Variants in CCDC69 observed in about 807,000 individuals in gnomAD.
The protein encoded by CCDC69 is coiled-coil domain-containing protein 69.
A neutral mutation model predicts 40.3 loss-of-function variants in CCDC69; 38 were observed. That is an observed-to-expected ratio of 0.94 (90% CI 0.73 to 1.24). CCDC69 has a LOEUF of 1.24. Among genes scored for constraint, CCDC69 ranks in the 50% most tolerant of loss-of-function variants. The pLI, the probability that CCDC69 is intolerant of heterozygous loss-of-function variation, is 0.00. For synonymous variants in CCDC69, 141 were observed against 138.9 expected, an observed-to-expected ratio of 1.02 and a Z score of -0.11; for missense variants, 389 against 357.9, an observed-to-expected ratio of 1.09 and a Z score of -0.70.
At chr5:151,206,791 C>T (rs1023877996) in intron 1 of CCDC69, among the ~76,000 whole-genome samples, 3 of 151,344 alleles carry the variant, frequency 2.0e-5, no homozygotes, top group Non-Finnish European at 4.4e-5. Flanking sequence ...CCACCATGCC[C>T]GGCTAATTTC....
chr5:151,187,518 G>T, intron 4 of CCDC69, 59 bp from the exon 5 acceptor site: 1 of 1,420,786 alleles, frequency 7.0e-7, no homozygotes, highest in Non-Finnish European at 9.9e-7. Context: ...CCTTCTGCAG[G>T]CCCCTTGGTG....
chr5:151,201,762 G>T, intron 2 of CCDC69, 74 bp from the exon 3 acceptor site: 1 of 954,966 alleles, frequency 1.0e-6, no homozygotes, highest in Non-Finnish European at 1.6e-6. Context: ...CTGGCAGAGA[G>T]AGTGTGGGAA....
chr5:151,187,465 G>A lies in CCDC69; in HGVS notation c.320-6C>T, dbSNP rs1369646213. 1.2e-6 allele frequency: 2 copies of A among 1,611,124 alleles called. No individual in the cohort carries two copies. Among genetic ancestry groups the A allele is most frequent in the Non-Finnish European group, 1.7e-6 (2 of 1,179,192 alleles). On this transcript the variant is annotated splice_region_variant and splice_polypyrimidine_tract_variant and intron_variant, in intron 4 of 8. Coordinates refer to ENST00000355417, the MANE Select transcript of CCDC69 (RefSeq NM_015621.3). The stretch of plus-strand genomic sequence containing the variant: ...TTCATATGAGGCCCGGAGGACTGTA[G>A]GGAAAGGAGAACTCCATAAGCTCAA...
chr5:151,215,621 T>C, intron 1 of CCDC69: 1 of 423,694 alleles, frequency 2.4e-6, no homozygotes, highest in Non-Finnish European at 4.9e-6. Flanking sequence ...CCTGGAGCCC[T>C]CCACACCATC....
At chr5:151,200,303 T>A (rs1340457205) in intron 3 of CCDC69, among the ~76,000 whole-genome samples, 2 of 152,142 alleles carry the variant, frequency 1.3e-5, no homozygotes, top group Non-Finnish European at 2.9e-5. Flanking sequence ...CAGGCTGGGC[T>A]AATTTTTGTA....
chr5:151,214,323 C>A (rs933462532), intron 1 of CCDC69, among the ~76,000 whole-genome samples: 1 of 152,086 alleles, frequency 6.6e-6, no homozygotes, highest in Non-Finnish European at 1.5e-5. Context: ...AGGAAGGAGG[C>A]GGGGAGTGTG....
chr5:151,190,810 C>CA (rs146441064), intron 4 of CCDC69, among the ~76,000 whole-genome samples: 55 of 145,826 alleles, frequency 3.8e-4, no homozygotes, highest in Admixed American at 4.1e-4. Flanking sequence ...TTCAAATACT[C>CA]AAAAAAAAAG....
At chr5:151,220,989 G>T (rs2114007202) in intron 1 of CCDC69, among the ~76,000 whole-genome samples, 2 of 152,190 alleles carry the variant, frequency 1.3e-5, no homozygotes, top group South Asian at 4.1e-4. Context: ...CAAGAAGAAG[G>T]GTTTAGGCAG....
chr5:151,208,302 T>C (rs10060351), intron 1 of CCDC69, among the ~76,000 whole-genome samples: 9,851 of 152,186 alleles, frequency 0.065, 305 homozygotes, highest in East Asian at 0.1. Context: ...GCTATGAAAA[T>C]GTTCGACAAA....
rs376393660 is a variant in CCDC69, at chr5:151,183,587, C to A, written c.741G>T (p.Thr247=). The change falls in exon 9 of 9, where the codon ACG becomes ACT. Residue 247 remains threonine, a synonymous_variant. Transcript: ENST00000355417. ...SRQLSEDLLL[T]REALEKEVQL... ...GCACCTCCTTCTCCAGGGCCTCACG[C>A]GTGAGAAGCAGGTCTTCTGACAGCT... 1.2e-6 allele frequency: 2 copies of A among 1,612,104 alleles called. No homozygotes were observed. The highest frequency in any genetic ancestry group is 1.7e-4 in the Middle Eastern group (1 of 6,000).
intron 4 of CCDC69, among the ~76,000 whole-genome samples, chr5:151,198,026 A>G (rs1304803885): frequency 6.6e-6 from 1 of 152,182 alleles, no homozygotes; most frequent in Non-Finnish European, 1.5e-5. Flanking sequence ...AAAGAAATGG[A>G]AGGAATCTAT....
chr5:151,223,851 A>C, intron 1 of CCDC69, 72 bp downstream of exon 1: 1 of 1,465,040 alleles, frequency 6.8e-7, no homozygotes, highest in South Asian at 1.2e-5. Flanking sequence ...CGGGGCGCCG[A>C]GTCCTCTGCG....
rs137952981 is a variant in CCDC69 at position 151,210,372 on chromosome 5, G to A, written c.49-4897C>T. ...TAGCCTGGCCAACCTGTGAAACCCC[G>A]TCTCTACTAAAAATACAAAAATTAG... On this transcript the variant is annotated intron_variant, in intron 1 of 8. Transcript: ENST00000355417. 4.7e-3 allele frequency among the ~76,000 whole-genome samples: 718 copies of A among 151,486 alleles called. 10 individuals carry two copies. The highest frequency in any genetic ancestry group is 0.017 in the African/African-American group (696 of 41,250).
rs61745455 is a variant in CCDC69 at position 151,187,449 on chromosome 5, G to A, written c.330C>T (p.Ala110=). Residue 110 remains alanine, a synonymous_variant, in exon 5 of 9, where the codon GCC becomes GCT. Coordinates refer to ENST00000355417, the MANE Select transcript of CCDC69 (RefSeq NM_015621.3). Reference sequence around the variant, plus strand: ...GCGCTTCTTTCTCCTGTTCATATGAGGCCCGGAGGACTGTAGGGAAAGGAG... The same window carrying A: ...GCGCTTCTTTCTCCTGTTCATATGAAGCCCGGAGGACTGTAGGGAAAGGAG... The part of the protein sequence containing the change: ...KNEEALQVLR[A]SYEQEKEALT... The A allele has an allele frequency of 6.0e-4, 975 of 1,613,732 alleles. 10 individuals carry two copies. In the African/African-American group the frequency reaches 0.012, roughly 20 times the overall value.
At chr5:151,187,482 T>C in intron 4 of CCDC69, 23 bp from the exon 5 acceptor site, 2 of 1,598,542 alleles carry the variant, frequency 1.3e-6, no homozygotes, top group Non-Finnish European at 1.7e-6. Flanking sequence ...GAGAACTCCA[T>C]AAGCTCAAGA....
chr5:151,219,919 C>T (rs963222837), intron 1 of CCDC69, among the ~76,000 whole-genome samples: 14 of 152,118 alleles, frequency 9.2e-5, no homozygotes, highest in African/African-American at 3.4e-4. Flanking sequence ...ACTCACTACC[C>T]TTTGAGGCCT....
In CCDC69 at chr5:151,185,451, C is replaced by A. The variant is rs1307337485; in HGVS notation, c.586G>T (p.Asp196Tyr). 2 of 1,613,958 alleles carry A rather than the reference C, an allele frequency of 1.2e-6. No individual in the cohort carries two copies. The change falls in exon 7 of 9, where the codon GAC (aspartate) becomes TAC (tyrosine). Residue 196 changes from aspartate to tyrosine, a missense_variant. Coordinates refer to ENST00000355417, the MANE Select transcript of CCDC69 (RefSeq NM_015621.3). The part of the protein sequence containing the change: ...EMKNERIHEL[D>Y]RRLILMETVK... ...GTTTCCATGAGGATCAGCCGCCTGT[C>A]CAGCTCATGAATACGCTCATTCTTC...
At chr5:151,222,563 G>A (rs180691370) in intron 1 of CCDC69, among the ~76,000 whole-genome samples, 1 of 152,324 alleles carries the variant, frequency 6.6e-6, no homozygotes, top group Admixed American at 6.5e-5. Flanking sequence ...GAGACCCAGG[G>A]AGACACAAGG....
rs1435655088 is a variant in CCDC69, at chr5:151,184,352, G to A, written c.705C>T (p.Val235=). The change falls in exon 8 of 9, where the codon GTC becomes GTT. Residue 235 remains valine, a synonymous_variant. Coordinates refer to ENST00000355417, the MANE Select transcript of CCDC69 (RefSeq NM_015621.3). ...GGCAGGAAGACAGCTACCTTGACAGGACCACCTGGTTGCGGCTTCGGACAT... is the reference window on the plus strand; with the variant it reads ...GGCAGGAAGACAGCTACCTTGACAGAACCACCTGGTTGCGGCTTCGGACAT... ...DLHVRSRNQV[V]LSRQLSEDLL... is the part of the protein sequence containing the mutation. 2 of 1,613,528 alleles carry A rather than the reference G, an allele frequency of 1.2e-6. No homozygotes were observed. Among genetic ancestry groups the A allele is most frequent in the Middle Eastern group, 1.7e-4 (1 of 5,876 alleles).
Sources: gnomAD v4.1 joint callset for allele counts (sites outside exome capture counted in the v4.1 genomes callset) on GRCh38, gnomAD v4.1.1 for gene constraint, MANE v1.5 for transcripts, NCBI Gene and HGNC (gene_info 2026-07-23, HGNC 2026-07-21) for gene names.